Variants in CACNB1 observed in about 807,000 individuals in gnomAD.
The protein encoded by CACNB1 is voltage-dependent L-type calcium channel subunit beta-1.
Under a neutral mutation model 71.6 loss-of-function variants are expected in CACNB1, and 29 were observed. The observed-to-expected ratio is 0.40, with a 90% CI of 0.30 to 0.55. The LOEUF (loss-of-function observed/expected upper bound fraction) is 0.55, where lower values mean the gene tolerates loss of function less well. CACNB1 is among the 20% of genes least tolerant of loss of function. The pLI is 0.38. For synonymous variants in CACNB1, 300 were observed against 319.6 expected (o/e 0.94, Z 0.65); for missense variants, 623 against 801.8 (o/e 0.78, Z 2.69).
chr17:39,186,491 C>G lies in CACNB1; in HGVS notation c.628+5G>C. 6.2e-7 allele frequency: 1 copy of G among 1,611,302 alleles called. No individual in the cohort carries two copies. Among genetic ancestry groups the G allele is most frequent in the Non-Finnish European group, 8.5e-7 (1 of 1,178,108 alleles). ...CCCAAACCCCTGCATGGCGATGGCT[C>G]TTACCACTGGCAGGGGGTGTGGGGC... On this transcript the variant is annotated splice_donor_5th_base_variant and intron_variant, in intron 6 of 13. Coordinates refer to ENST00000394303, the MANE Select transcript of CACNB1 (RefSeq NM_000723.5). This position sits in a 1 kb window ranked among gnomAD's most constrained non-coding sequence, Gnocchi z 4.1.
chr17:39,186,680 G>A lies in CACNB1; in HGVS notation c.552-108C>T. The A allele has an allele frequency of 3.3e-6, 5 of 1,527,064 alleles. No homozygotes were observed. Among genetic ancestry groups the A allele is most frequent in the Non-Finnish European group, 4.5e-6 (5 of 1,109,996 alleles). 94.6% of individuals were successfully genotyped at this position (1,527,064 alleles called of 1,614,324 possible). ...GAGGTGCTCCAGCCCCACTGGTGATGCCACAGGCAGCTCTGTGCCCTCAGG... is the reference window on the plus strand; with the variant it reads ...GAGGTGCTCCAGCCCCACTGGTGATACCACAGGCAGCTCTGTGCCCTCAGG... On this transcript the variant is annotated intron_variant, in intron 5 of 13. Transcript: ENST00000394303. The surrounding 1 kb of genome is among the most constrained non-coding windows in gnomAD (Gnocchi z 4.1).
At chr17:39,177,591 G>T (rs892052883) in intron 12 of CACNB1, 56 bp from the exon 13 acceptor site, 9 of 1,429,780 alleles carry the variant, frequency 6.3e-6, no homozygotes, top group Non-Finnish European at 8.6e-6. Flanking sequence ...GGCCAAGGGG[G>T]TTGAGGGTGT....
intron 11 of CACNB1, among the ~76,000 whole-genome samples, chr17:39,180,500 T>C (rs952318256): frequency 1.3e-4 from 20 of 150,642 alleles, no homozygotes; most frequent in African/African-American, 4.4e-4. Context: ...ACTAAAAATA[T>C]AAAAATTAGC....
intron 3 of CACNB1, among the ~76,000 whole-genome samples, chr17:39,191,030 C>T (rs547428983): frequency 1.3e-5 from 2 of 151,774 alleles, no homozygotes; most frequent in African/African-American, 2.4e-5. Context: ...TGGTGAAACC[C>T]CGTCTCTACT....
rs1015877293 is a variant in CACNB1 at position 39,174,437 on chromosome 17, C to T, written c.*756G>A. The T allele has an allele frequency of 6.5e-6, 1 of 152,826 alleles. No individual in the cohort carries two copies. Among genetic ancestry groups the T allele is most frequent in the Admixed American group, 6.5e-5 (1 of 15,274 alleles). 9.5% of individuals were successfully genotyped at this position (152,826 alleles called of 1,614,324 possible). A position where few individuals can be genotyped will look rare whatever the true frequency, so the allele number is the denominator to read the frequency against. ...CTCAGATGCAGAGGGGCCCCCTCTACTAATGGCAGCAGGCAAGGGATGTTG... is the reference window on the plus strand; with the variant it reads ...CTCAGATGCAGAGGGGCCCCCTCTATTAATGGCAGCAGGCAAGGGATGTTG... On this transcript the variant is annotated 3_prime_UTR_variant, in exon 14 of 14. Transcript: ENST00000394303.
chr17:39,185,559 C>T (rs1186745337), intron 6 of CACNB1, among the ~76,000 whole-genome samples: 1 of 151,682 alleles, frequency 6.6e-6, no homozygotes, highest in Non-Finnish European at 1.5e-5. Context: ...GCCAGCAGCC[C>T]CCCCCCACTA....
intron 11 of CACNB1, among the ~76,000 whole-genome samples, chr17:39,180,062 C>T (rs924642630): frequency 6.6e-6 from 1 of 151,730 alleles, no homozygotes; most frequent in African/African-American, 2.4e-5. Context: ...GTCAGGAGTT[C>T]GAGACCAGCC....
chr17:39,175,151 CT>C lies in CACNB1; in HGVS notation c.*41del, dbSNP rs1567787338. On this transcript the variant is annotated 3_prime_UTR_variant, in exon 14 of 14. Transcript: ENST00000394303. This position sits in a 1 kb window ranked among gnomAD's most constrained non-coding sequence, Gnocchi z 4.7. ...TGAGCCCCTCGCTCCCTCCCCTCCC[CT>C]GGGCTCAGAGCCCTTCCTCCCGCCG... 1 of 1,515,258 alleles carries C rather than the reference CT, an allele frequency of 6.6e-7. No homozygotes were observed. The highest frequency in any genetic ancestry group is 1.9e-5 in the Admixed American group (1 of 53,922). 93.9% of individuals were successfully genotyped at this position (1,515,258 alleles called of 1,614,324 possible). A position where few individuals can be genotyped will look rare whatever the true frequency, so the allele number is the denominator to read the frequency against.
At chr17:39,177,223 G>A (rs756658741) in intron 13 of CACNB1, 127 bp downstream of exon 13, 8 of 1,556,718 alleles carry the variant, frequency 5.1e-6, no homozygotes, top group South Asian at 2.4e-5. Flanking sequence ...CAGAGCAGGA[G>A]GGAAGACGGG....
intron 4 of CACNB1, 58 bp downstream of exon 4, chr17:39,187,421 G>A: frequency 6.2e-7 from 1 of 1,604,972 alleles, no homozygotes. Context: ...TTGTCCACTA[G>A]CACTCTGGCT....
rs765463260 is a variant in CACNB1 at position 39,175,107 on chromosome 17, G to A, written c.*86C>T. On this transcript the variant is annotated 3_prime_UTR_variant, in exon 14 of 14. Coordinates refer to ENST00000394303, the MANE Select transcript of CACNB1 (RefSeq NM_000723.5). This position sits in a 1 kb window ranked among gnomAD's most constrained non-coding sequence, Gnocchi z 4.7. ...AAGGAGGGAGACAGCGCCCCCTGGA[G>A]GCGAATACATGTCAGGTGTGAGCCC... The A allele has an allele frequency of 2.6e-4, 292 of 1,109,902 alleles. 1 individual carries two copies. Among genetic ancestry groups the A allele is most frequent in the Non-Finnish European group, 2.6e-4 (195 of 763,414 alleles). The allele number at this position is 1,109,902 out of a possible 1,614,324, so 68.8% of individuals were successfully genotyped here.
Position 39,175,154 on chromosome 17 carries a change from G to T in CACNB1, c.*39C>A. ...GCCCCTCGCTCCCTCCCCTCCCCTG[G>T]GCTCAGAGCCCTTCCTCCCGCCGTG... On this transcript the variant is annotated 3_prime_UTR_variant, in exon 14 of 14. Coordinates refer to ENST00000394303, the MANE Select transcript of CACNB1 (RefSeq NM_000723.5). The surrounding 1 kb of genome is among the most constrained non-coding windows in gnomAD (Gnocchi z 4.7). The T allele has an allele frequency of 6.6e-7, 1 of 1,524,046 alleles. No homozygotes were observed. Among genetic ancestry groups the T allele is most frequent in the Non-Finnish European group, 9.0e-7 (1 of 1,116,484 alleles). The allele number at this position is 1,524,046 out of a possible 1,614,324, so 94.4% of individuals were successfully genotyped here.
intron 11 of CACNB1, among the ~76,000 whole-genome samples, chr17:39,179,920 G>A (rs1249439372): frequency 1.3e-5 from 2 of 149,178 alleles, no homozygotes; most frequent in African/African-American, 2.5e-5. Flanking sequence ...AAAACAACAG[G>A]CAACAAGTGA....
intron 2 of CACNB1, 112 bp from the exon 3 acceptor site, chr17:39,191,705 G>A: frequency 1.9e-6 from 2 of 1,047,756 alleles, no homozygotes; most frequent in Non-Finnish European, 2.8e-6. Context: ...AGCCAGCCCA[G>A]CATGACACCA....
At chr17:39,178,214 C>G (rs1305979889) in intron 11 of CACNB1, 135 bp from the exon 12 acceptor site, 2 of 681,014 alleles carry the variant, frequency 2.9e-6, no homozygotes. Flanking sequence ...ACTCTCAGCC[C>G]TGGGCACCTC....
chr17:39,180,866 C>T (rs927742096), intron 11 of CACNB1, among the ~76,000 whole-genome samples: 4 of 151,954 alleles, frequency 2.6e-5, no homozygotes, highest in African/African-American at 9.7e-5. Flanking sequence ...GTGTGAGCCA[C>T]CAAGCCTGGC....
chr17:39,197,395 G>T lies in CACNB1; in HGVS notation c.84+17C>A. 1 of 1,433,740 alleles carries T rather than the reference G, an allele frequency of 7.0e-7. No individual in the cohort carries two copies. Among genetic ancestry groups the T allele is most frequent in the Non-Finnish European group, 9.2e-7 (1 of 1,091,942 alleles). 88.8% of individuals were successfully genotyped at this position (1,433,740 alleles called of 1,614,324 possible). On this transcript the variant is annotated intron_variant, in intron 1 of 13. Transcript: ENST00000394303. The stretch of plus-strand genomic sequence containing the variant: ...GGGAGCGACCCCCTCCCGTTGGGCC[G>T]GGCCACCACGCCTCACCTGCGGGCT...
chr17:39,196,873 G>A (rs2046211374), intron 1 of CACNB1, among the ~76,000 whole-genome samples: 1 of 151,872 alleles, frequency 6.6e-6, no homozygotes, highest in African/African-American at 2.4e-5. Flanking sequence ...GGCTGGGAGG[G>A]GACCTCGACC....
At position 39,186,741 on chromosome 17, in the gene CACNB1, A is replaced by G. The variant is rs2045950746; in HGVS notation, c.551+52T>C. ...ACCATTGAGGCCTAGTCCAGGCTGT[A>G]TGGCCTCTCCTGGGGTTGGCAGCAT... is the stretch of plus-strand genomic sequence containing the variant. On this transcript the variant is annotated intron_variant, in intron 5 of 13. Transcript: ENST00000394303. This position sits in a 1 kb window ranked among gnomAD's most constrained non-coding sequence, Gnocchi z 4.1. The G allele has an allele frequency of 1.1e-5, 18 of 1,606,976 alleles. No homozygotes were observed. In the South Asian group the frequency reaches 1.9e-4, roughly 17 times the overall value.
Sources: allele counts gnomAD v4.1 joint callset (sites outside exome capture counted in the v4.1 genomes callset), GRCh38; gene constraint gnomAD v4.1.1; non-coding constraint Gnocchi (gnomAD v3.1); transcripts MANE v1.5; gene names NCBI Gene and HGNC (gene_info 2026-07-23, HGNC 2026-07-21).